The following FBN1 variants were observed in gnomAD, a reference collection of about 807,000 sequenced individuals.
FBN1 encodes the protein fibrillin 1, also known as fibrillin-1.
A neutral mutation model predicts 365.1 loss-of-function variants in FBN1; 29 were observed. The ratio of observed to expected loss-of-function variants is 0.08; its 90% CI spans 0.06 to 0.11. FBN1 has a LOEUF of 0.11. FBN1 is among the 10% of genes least tolerant of loss of function. The probability of loss-of-function intolerance (pLI) is 1.00; values close to 1 mark genes in which losing one functional copy is unlikely to be tolerated. For missense variants in FBN1, 2,476 were observed against 3,703.2 expected, an observed-to-expected ratio of 0.67 and a Z score of 8.60; for synonymous variants, 1,210 against 1,270.5, an observed-to-expected ratio of 0.95 and a Z score of 1.01.
chr15:48,542,593 T>C (rs1296356991), intron 6 of FBN1, among the ~76,000 whole-genome samples: 1 of 152,182 alleles, frequency 6.6e-6, no homozygotes, highest in Non-Finnish European at 1.5e-5. Flanking sequence ...CTTACTGCAA[T>C]CATTCTTAAC....
chr15:48,614,943 C>T (rs1414674493), intron 2 of FBN1, among the ~76,000 whole-genome samples: 1 of 152,170 alleles, frequency 6.6e-6, no homozygotes, highest in Non-Finnish European at 1.5e-5. Flanking sequence ...CAAAGGCTCT[C>T]AACCCTTTGT....
chr15:48,485,622 T>C, intron 29 of FBN1, 126 bp from the exon 30 acceptor site: 1 of 1,033,522 alleles, frequency 9.7e-7, no homozygotes, highest in Non-Finnish European at 1.5e-6. Flanking sequence ...AAAGAGGTAA[T>C]CATCCTATGA....
intron 4 of FBN1, among the ~76,000 whole-genome samples, chr15:48,603,151 C>T (rs2044579881): frequency 6.6e-6 from 1 of 152,164 alleles, no homozygotes; most frequent in African/African-American, 2.4e-5. Flanking sequence ...AATAAAAAAT[C>T]TCCCTGATAT....
intron 43 of FBN1, among the ~76,000 whole-genome samples, 190 bp downstream of exon 43, chr15:48,460,056 T>C (rs1021371636): frequency 1.3e-5 from 2 of 152,240 alleles, no homozygotes; most frequent in Non-Finnish European, 2.9e-5. Context: ...ACAACAAATG[T>C]TGTTGCCAAT....
At chr15:48,446,018 T>C (rs1364758989) in intron 47 of FBN1, among the ~76,000 whole-genome samples, 1 of 152,158 alleles carries the variant, frequency 6.6e-6, no homozygotes, top group Non-Finnish European at 1.5e-5. Context: ...AGAAGGTTCA[T>C]AGTCCTGAAT....
At chr15:48,439,656 G>C (rs2043098010) in intron 50 of FBN1, among the ~76,000 whole-genome samples, 1 of 152,022 alleles carries the variant, frequency 6.6e-6, no homozygotes, top group South Asian at 2.1e-4. Flanking sequence ...AAATATGTAT[G>C]TTGTAATATT....
In FBN1 at chr15:48,489,898, G is replaced by T. The variant is rs113990281; in HGVS notation, c.3035C>A (p.Pro1012His). The change falls in exon 25 of 66, where the codon CCC becomes CAC. Residue 1012 changes from proline (P) to histidine (H), a missense_variant. Pro to His is a moderately conservative substitution (Grantham distance 77, BLOSUM62 -2). Around this residue, in one of 5 missense-constraint regions of FBN1, gnomAD observed 1,780 missense variants for 2,840.8 expected, o/e 0.63. Transcript: ENST00000316623. ...PEYEELCPRG[P>H]GFATKEITNG... ...TGTAATTTCTTTTGTGGCAAATCCG[G>T]GTCCTCTCGGACACAGCTCCTCGTA... 1 of 1,614,082 alleles carries T rather than the reference G, an allele frequency of 6.2e-7. No individual in the cohort carries two copies.
intron 13 of FBN1, 71 bp from the exon 14 acceptor site, chr15:48,510,240 C>T: frequency 6.7e-7 from 1 of 1,497,856 alleles, no homozygotes; most frequent in Admixed American, 1.7e-5. Context: ...TTCCCCCTCC[C>T]TCCATTTGCA....
intron 6 of FBN1, among the ~76,000 whole-genome samples, chr15:48,585,482 T>C (rs1353370594): frequency 6.6e-6 from 1 of 152,208 alleles, no homozygotes; most frequent in Admixed American, 6.5e-5. Flanking sequence ...AACATACACA[T>C]AGATTTATAA....
Position 48,474,302 on chromosome 15 carries a change from C to T in FBN1, c.4163G>A (p.Arg1388His), listed in dbSNP as rs749196340. The change falls in exon 34 of 66, where the codon CGC (arginine) becomes CAC (histidine). Residue 1388 changes from arginine to histidine, a missense_variant. Physicochemically the swap from Arg to His is conservative, Grantham distance 29. Around this residue, in one of 5 missense-constraint regions of FBN1, gnomAD observed 1,780 missense variants for 2,840.8 expected, o/e 0.63. Coordinates refer to ENST00000316623, the MANE Select transcript of FBN1 (RefSeq NM_000138.5). ...TGTGTATCCTTCCTTGCACAGACAG[C>T]GGTAAGATCCCATGGTATTCTTGCA... ...ADCKNTMGSYRCLCKEGYTGD... is the reference protein window; with the variant it reads ...ADCKNTMGSYHCLCKEGYTGD... 2.9e-5 allele frequency: 47 copies of T among 1,613,916 alleles called. No homozygotes were observed. The highest frequency in any genetic ancestry group is 3.3e-4 in the Middle Eastern group (2 of 6,084).
intron 3 of FBN1, among the ~76,000 whole-genome samples, chr15:48,612,070 T>C (rs559196019): frequency 6.6e-6 from 1 of 152,340 alleles, no homozygotes; most frequent in Non-Finnish European, 1.5e-5. Flanking sequence ...ATAAAGTTCA[T>C]TGAGAAAAAT....
chr15:48,421,767 T>C, intron 61 of FBN1, 81 bp from the exon 62 acceptor site: 8 of 1,545,336 alleles, frequency 5.2e-6, no homozygotes, highest in Non-Finnish European at 6.2e-6. Context: ...ATTAGAAGGA[T>C]AACTCGGAAA....
chr15:48,568,995 A>T (rs1456996384), intron 6 of FBN1, among the ~76,000 whole-genome samples: 1 of 152,114 alleles, frequency 6.6e-6, no homozygotes, highest in Admixed American at 6.6e-5. Context: ...TAATTTAGAC[A>T]TCATCAAAAT....
intron 36 of FBN1, among the ~76,000 whole-genome samples, chr15:48,469,701 T>C (rs969196938): frequency 6.6e-6 from 1 of 151,746 alleles, no homozygotes; most frequent in Non-Finnish European, 1.5e-5. Context: ...AGGGCCAGAG[T>C]AACAGAAACG....
chr15:48,579,508 A>G (rs989737522), intron 6 of FBN1, among the ~76,000 whole-genome samples: 2 of 152,220 alleles, frequency 1.3e-5, no homozygotes, highest in African/African-American at 4.8e-5. Flanking sequence ...CATCTTTTAG[A>G]AAGTCTCAAC....
chr15:48,411,613 T>C (rs2042864577), intron 65 of FBN1, among the ~76,000 whole-genome samples: 1 of 152,264 alleles, frequency 6.6e-6, no homozygotes, highest in Non-Finnish European at 1.5e-5. Context: ...CATTTGTATC[T>C]GGAGGTCTCA....
At chr15:48,453,472 C>T (rs2043217802) in intron 44 of FBN1, among the ~76,000 whole-genome samples, 1 of 151,842 alleles carries the variant, frequency 6.6e-6, no homozygotes, top group South Asian at 2.1e-4. Flanking sequence ...AGTAAAAAAT[C>T]AGTGGTTGCC....
chr15:48,515,630 AG>A, intron 11 of FBN1, 103 bp from the exon 12 acceptor site: 1 of 1,500,158 alleles, frequency 6.7e-7, no homozygotes, highest in Non-Finnish European at 9.2e-7. Context: ...GAAAGGAAAG[AG>A]GATACTCTTT....
intron 23 of FBN1, among the ~76,000 whole-genome samples, chr15:48,492,830 C>G (rs2043573578): frequency 6.6e-6 from 1 of 152,146 alleles, no homozygotes; most frequent in Non-Finnish European, 1.5e-5. Context: ...GTTGTAGAGA[C>G]AGGCAGCTGG....
Sources: allele counts gnomAD v4.1 joint callset (sites outside exome capture counted in the v4.1 genomes callset), GRCh38; gene constraint gnomAD v4.1.1; regional missense constraint gnomAD v4.1.1; transcripts MANE v1.5; gene names NCBI Gene and HGNC (gene_info 2026-07-23, HGNC 2026-07-21).